RAB40B: variants seen among roughly 807,000 people sequenced by gnomAD.
RAB40B encodes RAB40B, member RAS oncogene family.
A neutral mutation model predicts 24.0 loss-of-function variants in RAB40B; 21 were observed. The ratio of observed to expected loss-of-function variants is 0.88; its 90% CI spans 0.62 to 1.26. RAB40B has a LOEUF of 1.26. RAB40B is among the 50% of genes most tolerant of loss of function. The probability of loss-of-function intolerance (pLI) is 0.00; values close to 1 mark genes in which losing one functional copy is unlikely to be tolerated. For synonymous variants in RAB40B, 167 were observed against 169.8 expected (o/e 0.98, Z 0.13); for missense variants, 348 against 390.5 (o/e 0.89, Z 0.92).
At chr17:82,670,851 G>C (rs961544441) in intron 1 of RAB40B, among the ~76,000 whole-genome samples, 1 of 151,938 alleles carries the variant, frequency 6.6e-6, no homozygotes, top group Non-Finnish European at 1.5e-5. Flanking sequence ...GTCTTTTTAA[G>C]CGCCCTACGA....
At chr17:82,668,734 C>A (rs2046292174) in intron 1 of RAB40B, among the ~76,000 whole-genome samples, 1 of 152,228 alleles carries the variant, frequency 6.6e-6, no homozygotes, top group South Asian at 2.1e-4. Flanking sequence ...GGGTGGCCTT[C>A]CCAGGCCTCC....
intron 1 of RAB40B, among the ~76,000 whole-genome samples, chr17:82,681,517 A>G (rs2046449387): frequency 6.6e-6 from 1 of 152,154 alleles, no homozygotes; most frequent in African/African-American, 2.4e-5. Context: ...ACCCTGCAGC[A>G]AAGCATCTCA....
intron 1 of RAB40B, among the ~76,000 whole-genome samples, chr17:82,669,482 AT>A (rs1168651332): frequency 6.6e-6 from 1 of 152,078 alleles, no homozygotes; most frequent in Non-Finnish European, 1.5e-5. Flanking sequence ...TCTCAAAAAA[AT>A]AAAAATAAAA....
intron 1 of RAB40B, among the ~76,000 whole-genome samples, chr17:82,695,290 C>G (rs2046597706): frequency 1.3e-5 from 2 of 150,802 alleles, no homozygotes; most frequent in South Asian, 4.2e-4. Context: ...CTCCTGGGTT[C>G]CAGCGATTCT....
intron 1 of RAB40B, among the ~76,000 whole-genome samples, chr17:82,691,501 C>A (rs1267471171): frequency 7.2e-5 from 11 of 152,128 alleles, no homozygotes; most frequent in African/African-American, 1.7e-4. Flanking sequence ...GCCTGACCAA[C>A]ATGGTGAAAC....
Position 82,675,001 on chromosome 17 carries a change from G to C in RAB40B, c.143-10445C>G, listed in dbSNP as rs955241426. ...GGGCACCACATTCCTCTGTGCTGAA[G>C]CTATTTTGAGTTAATTTTCTTGTTT... is the stretch of plus-strand genomic sequence containing the variant. On this transcript the variant is annotated intron_variant, in intron 1 of 5. Transcript: ENST00000571995. This position sits in a 1 kb window ranked among gnomAD's most constrained non-coding sequence, Gnocchi z 4.5. 1.3e-5 allele frequency among the ~76,000 whole-genome samples: 2 copies of C among 152,132 alleles called. No individual in the cohort carries two copies. Among genetic ancestry groups the C allele is most frequent in the Non-Finnish European group, 2.9e-5 (2 of 68,024 alleles).
intron 1 of RAB40B, chr17:82,668,274 C>T (rs1449937413): frequency 6.5e-6 from 1 of 154,432 alleles, no homozygotes; most frequent in Non-Finnish European, 1.5e-5. Flanking sequence ...CACAGGCAGC[C>T]CACCCCAACC....
rs1016338888 is a variant in RAB40B at position 82,663,586 on chromosome 17, CA to C, written c.203+909del. On this transcript the variant is annotated intron_variant, in intron 2 of 5. Transcript: ENST00000571995. This position sits in a 1 kb window ranked among gnomAD's most constrained non-coding sequence, Gnocchi z 6.2. ...CCAAGGTGAGGAGCTGGGGTTCTCA[CA>C]GCTGAGAGAGCAGAGCCAGCAGCCC... 2.2e-4 allele frequency among the ~76,000 whole-genome samples: 33 copies of C among 151,906 alleles called. No homozygotes were observed. Among genetic ancestry groups the C allele is most frequent in the Non-Finnish European group, 3.7e-4 (25 of 67,944 alleles).
At chr17:82,658,293 C>T (rs2046112587) in intron 5 of RAB40B, 159 bp from the exon 6 acceptor site, 10 of 1,122,974 alleles carry the variant, frequency 8.9e-6, no homozygotes, top group Middle Eastern at 6.0e-4. Flanking sequence ...CCCCTCTGCC[C>T]ACGTACAGAT....
At chr17:82,685,957 C>T (rs774422547) in intron 1 of RAB40B, among the ~76,000 whole-genome samples, 34 of 152,126 alleles carry the variant, frequency 2.2e-4, no homozygotes, top group Non-Finnish European at 4.6e-4. Context: ...GTGCCCGCCA[C>T]CACACCCAGC....
In RAB40B at chr17:82,656,648, T is replaced by G. The variant is rs1003741655; in HGVS notation, c.*1215A>C. 5.3e-5 allele frequency: 8 copies of G among 152,266 alleles called. No homozygotes were observed. Among genetic ancestry groups the G allele is most frequent in the African/African-American group, 1.9e-4 (8 of 41,450 alleles). The allele number at this position is 152,266 out of a possible 1,614,324, so 9.4% of individuals were successfully genotyped here. A position where few individuals can be genotyped will look rare whatever the true frequency, so the allele number is the denominator to read the frequency against. On this transcript the variant is annotated 3_prime_UTR_variant, in exon 6 of 6. Transcript: ENST00000571995. ...TTCAAGGATTCAGCCTTGTTGCCAGTGTCGTGTATTAGCTCCGATATGTGA... is the reference window on the plus strand; with the variant it reads ...TTCAAGGATTCAGCCTTGTTGCCAGGGTCGTGTATTAGCTCCGATATGTGA...
At position 82,657,615 on chromosome 17, in the gene RAB40B, C is replaced by A; in HGVS notation, c.*248G>T. 2 of 619,226 alleles carry A rather than the reference C, an allele frequency of 3.2e-6. No individual in the cohort carries two copies. The highest frequency in any genetic ancestry group is 6.0e-6 in the Non-Finnish European group (2 of 335,644). The allele number at this position is 619,226 out of a possible 1,614,324, so 38.4% of individuals were successfully genotyped here. On this transcript the variant is annotated 3_prime_UTR_variant, in exon 6 of 6. Transcript: ENST00000571995. ...AAGTAACATTCAGAATTTCATGTTACCAAGAGTCGAGCAGAGTACTAATTT... is the reference window on the plus strand; with the variant it reads ...AAGTAACATTCAGAATTTCATGTTAACAAGAGTCGAGCAGAGTACTAATTT...
chr17:82,662,734 G>A (rs1266685410), intron 2 of RAB40B: 16 of 985,264 alleles, frequency 1.6e-5, no homozygotes. Context: ...AGCCCCCTGG[G>A]ATCTCACTCC....
At position 82,698,311 on chromosome 17, in the gene RAB40B, C is replaced by T. The variant is rs891294362; in HGVS notation, c.142+144G>A. 9.9e-6 allele frequency: 8 copies of T among 810,732 alleles called. No homozygotes were observed. In the African/African-American group the frequency reaches 1.5e-4, roughly 15 times the overall value. 50.2% of individuals were successfully genotyped at this position (810,732 alleles called of 1,614,324 possible). ...CCCCCGGACCGGGACTCCTACCCTC[C>T]CCGGCCACGCGCCCCGGCCTCTTCC... On this transcript the variant is annotated intron_variant, in intron 1 of 5. Transcript: ENST00000571995.
At chr17:82,662,266 A>C (rs1209148319) in intron 2 of RAB40B, 1 of 985,374 alleles carries the variant, frequency 1.0e-6, no homozygotes, top group East Asian at 1.1e-4. Context: ...TCTAGAATTC[A>C]AGCCTCAGCA....
chr17:82,658,766 TGTC>T (rs1012774292), intron 4 of RAB40B, 53 bp from the exon 5 acceptor site: 11 of 1,519,810 alleles, frequency 7.2e-6, no homozygotes, highest in Middle Eastern at 1.8e-4. Context: ...GAGATTTTGT[TGTC>T]GTCGTAATGT....
In RAB40B at chr17:82,698,603, G is replaced by C. The variant is rs762974804; in HGVS notation, c.-7C>G. 6.9e-7 allele frequency: 1 copy of C among 1,447,432 alleles called. No homozygotes were observed. The highest frequency in any genetic ancestry group is 9.2e-7 in the Non-Finnish European group (1 of 1,084,778). The allele number at this position is 1,447,432 out of a possible 1,614,324, so 89.7% of individuals were successfully genotyped here. A position where few individuals can be genotyped will look rare whatever the true frequency, so the allele number is the denominator to read the frequency against. Reference sequence around the variant, plus strand: ...GGCTGCCCAGGGCGCTCATCGTGACGGCCCGGCGCCCCCACCCATGCCCGG... The same window carrying C: ...GGCTGCCCAGGGCGCTCATCGTGACCGCCCGGCGCCCCCACCCATGCCCGG... On this transcript the variant is annotated 5_prime_UTR_variant, in exon 1 of 6. Coordinates refer to ENST00000571995, the MANE Select transcript of RAB40B (RefSeq NM_006822.3).
At chr17:82,662,801 G>A (rs1475888219) in intron 2 of RAB40B, 1 of 985,304 alleles carries the variant, frequency 1.0e-6, no homozygotes, top group Non-Finnish European at 1.2e-6. Flanking sequence ...GGCAGCTGGG[G>A]TCAGGGAGGC....
At position 82,697,541 on chromosome 17, in the gene RAB40B, G is replaced by A. The variant is rs565820996; in HGVS notation, c.142+914C>T. On this transcript the variant is annotated intron_variant, in intron 1 of 5. Coordinates refer to ENST00000571995, the MANE Select transcript of RAB40B (RefSeq NM_006822.3). The surrounding 1 kb of genome is among the most constrained non-coding windows in gnomAD (Gnocchi z 4.9). ...GTTCAGCCCCGAGGCGCGGCAGGAA[G>A]GTGGGCACAGGCTGGGCTCCTTCCA... is the stretch of plus-strand genomic sequence containing the variant. Among the ~76,000 whole-genome samples the A allele has an allele frequency of 1.8e-3, 269 of 152,278 alleles. 1 individual carries two copies. Among genetic ancestry groups the A allele is most frequent in the Non-Finnish European group, 3.0e-3 (201 of 68,016 alleles).
Sources: gnomAD v4.1 joint callset for allele counts (sites outside exome capture counted in the v4.1 genomes callset) on GRCh38, gnomAD v4.1.1 for gene constraint, Gnocchi (gnomAD v3.1) non-coding constraint, MANE v1.5 for transcripts, NCBI Gene and HGNC (gene_info 2026-07-23, HGNC 2026-07-21) for gene names.